The following GPM6B variants were observed in gnomAD, a reference collection of about 807,000 sequenced individuals.
GPM6B encodes the protein neuronal membrane glycoprotein M6-b.
In GPM6B, 4 loss-of-function variants were observed where a neutral mutation model predicts 27.2. That is an observed-to-expected ratio of 0.15 (90% CI 0.07 to 0.34). The LOEUF is 0.34. Ranked by LOEUF, GPM6B falls within the 10% of genes least tolerant of loss-of-function variation. The probability of loss-of-function intolerance (pLI) is 1.00; values close to 1 mark genes in which losing one functional copy is unlikely to be tolerated. For synonymous variants in GPM6B, 124 were observed against 103.1 expected, an observed-to-expected ratio of 1.20 and a Z score of -1.23; for missense variants, 183 against 261.9, an observed-to-expected ratio of 0.70 and a Z score of 2.08.
At chrX:13,931,179 C>G (rs766968586) in intron 1 of GPM6B, among the ~76,000 whole-genome samples, 1 of 88,979 alleles carries the variant, frequency 1.1e-5, no homozygotes, top group Non-Finnish European at 2.3e-5. Flanking sequence ...ACTAGACTGT[C>G]TCAAAAAAAC....
Position 13,913,862 on chromosome X carries a change from C to T in GPM6B, c.-198+24465G>A, listed in dbSNP as rs1048225483. Among the ~76,000 whole-genome samples, 3 of 111,492 alleles carry T rather than the reference C, an allele frequency of 2.7e-5. No individual in the cohort carries two copies. The East Asian group carries it at 8.5e-4, about 32-fold the overall frequency. On this transcript the variant is annotated intron_variant, in intron 1 of 6. Coordinates refer to the GPM6B transcript ENST00000398361. Reference sequence around the variant, plus strand: ...AACCTCCCAGGCTCAAGCAATCCTCCCATCTCAGCCTCCCGAGTAGCTGGG... The same window carrying T: ...AACCTCCCAGGCTCAAGCAATCCTCTCATCTCAGCCTCCCGAGTAGCTGGG...
At chrX:13,884,325 T>G (rs905082303) in intron 1 of GPM6B, among the ~76,000 whole-genome samples, 7 of 112,704 alleles carry the variant, frequency 6.2e-5, no homozygotes, top group Non-Finnish European at 3.7e-5. Context: ...GAATAGTTCA[T>G]ATTATATAAA....
At chrX:13,818,289 G>C (rs896540447), upstream of GPM6B, among the ~76,000 whole-genome samples, 1 of 112,050 alleles carries the variant, frequency 8.9e-6, no homozygotes, top group African/African-American at 3.2e-5. Flanking sequence ...TCTGCTAGTT[G>C]GTTGGGCTTA....
chrX:13,897,232 C>T lies in GPM6B; in HGVS notation c.-198+41095G>A, dbSNP rs776594942. On this transcript the variant is annotated intron_variant, in intron 1 of 6. Coordinates refer to the GPM6B transcript ENST00000398361. ...ACATTTTTAAACCACCTTAATTGAC[C>T]CAACACACTTTTTCTCCCTTCTGTG... Among the ~76,000 whole-genome samples, 10 of 111,761 alleles carry T rather than the reference C, an allele frequency of 8.9e-5. No homozygotes were observed. In the South Asian group the frequency reaches 3.4e-3, roughly 38 times the overall value.
intron 1 of GPM6B, among the ~76,000 whole-genome samples, chrX:13,848,891 A>C (rs768434894): frequency 6.2e-5 from 7 of 112,374 alleles, no homozygotes; most frequent in African/African-American, 1.9e-4. Flanking sequence ...ACAAAGTACT[A>C]ATACATGGTA....
At chrX:13,866,254 T>C (rs1287656868) in intron 1 of GPM6B, among the ~76,000 whole-genome samples, 1 of 111,972 alleles carries the variant, frequency 8.9e-6, no homozygotes, top group Non-Finnish European at 1.9e-5. Context: ...TCCCAGCTAC[T>C]AGGGAGGCTG....
chrX:13,825,059 A>C (rs2049356543), intron 1 of GPM6B, among the ~76,000 whole-genome samples: 1 of 111,569 alleles, frequency 9.0e-6, no homozygotes, highest in Non-Finnish European at 1.9e-5. Context: ...CTCTTCTTAT[A>C]AGGACACCAG....
intron 1 of GPM6B, among the ~76,000 whole-genome samples, chrX:13,842,528 C>T (rs1051332158): frequency 5.4e-5 from 6 of 111,130 alleles, no homozygotes; most frequent in African/African-American, 2.0e-4. Context: ...GAGGCACATC[C>T]CTCTGCCAGC....
intron 1 of GPM6B, among the ~76,000 whole-genome samples, chrX:13,928,829 G>C (rs1198380700): frequency 8.9e-6 from 1 of 111,940 alleles, no homozygotes; most frequent in Non-Finnish European, 1.9e-5. Context: ...TTTTTGCGCT[G>C]GAACTATTTT....
chrX:13,801,962 G>A (rs1172681649), intron 2 of GPM6B, among the ~76,000 whole-genome samples: 5 of 110,940 alleles, frequency 4.5e-5, no homozygotes, highest in African/African-American at 9.8e-5. Flanking sequence ...AGACGTGGAC[G>A]CACTCAGGGG....
chrX:13,903,578 G>A (rs1039919007), intron 1 of GPM6B, among the ~76,000 whole-genome samples: 1 of 111,743 alleles, frequency 8.9e-6, no homozygotes, highest in Non-Finnish European at 1.9e-5. Context: ...CTTCTCCAAT[G>A]CAGGGCCAGT....
intron 1 of GPM6B, among the ~76,000 whole-genome samples, chrX:13,833,762 A>G (rs1413016011): frequency 8.9e-6 from 1 of 111,897 alleles, no homozygotes; most frequent in East Asian, 2.8e-4. Context: ...CTGTGCTTTC[A>G]ATGTACAAAC....
intron 1 of GPM6B, among the ~76,000 whole-genome samples, chrX:13,919,218 C>T (rs2050455881): frequency 8.9e-6 from 1 of 111,921 alleles, no homozygotes; most frequent in East Asian, 2.8e-4. Flanking sequence ...GAACACACAC[C>T]TGCTTTCAAA....
chrX:13,818,742 A>C (rs1007507913), upstream of GPM6B, among the ~76,000 whole-genome samples: 3 of 112,622 alleles, frequency 2.7e-5, no homozygotes, highest in Admixed American at 2.8e-4. Context: ...TTCCATGGGA[A>C]AACCCTATGG....
At chrX:13,936,004 A>C (rs1921820150) in intron 1 of GPM6B, among the ~76,000 whole-genome samples, 1 of 112,335 alleles carries the variant, frequency 8.9e-6, no homozygotes, top group Admixed American at 9.4e-5. Context: ...ATAGAGACAG[A>C]AAGTAGGTTA....
intron 1 of GPM6B, among the ~76,000 whole-genome samples, chrX:13,822,510 C>T (rs934779541): frequency 1.8e-5 from 2 of 109,798 alleles, no homozygotes; most frequent in African/African-American, 6.6e-5. Context: ...GGACTACAGG[C>T]GTGGGGCCAC....
chrX:13,925,105 A>G (rs1921102955), intron 1 of GPM6B, among the ~76,000 whole-genome samples: 1 of 111,861 alleles, frequency 8.9e-6, no homozygotes, highest in Non-Finnish European at 1.9e-5. Context: ...GATGTAGCCC[A>G]TGATGCATCC....
chrX:13,853,073 C>G (rs1016137080), intron 1 of GPM6B, among the ~76,000 whole-genome samples: 1 of 111,170 alleles, frequency 9.0e-6, no homozygotes, highest in African/African-American at 3.3e-5. Context: ...AACATGTCCT[C>G]GACAAGGGTT....
chrX:13,801,486 G>C (rs1041296748), intron 2 of GPM6B, among the ~76,000 whole-genome samples: 1 of 112,425 alleles, frequency 8.9e-6, no homozygotes, highest in African/African-American at 3.2e-5. Flanking sequence ...TTCAAGGATT[G>C]GCAATTGTTT....
Sources: gnomAD v4.1 joint callset for allele counts (sites outside exome capture counted in the v4.1 genomes callset) on GRCh38, gnomAD v4.1.1 for gene constraint, MANE v1.5 for transcripts, NCBI Gene and HGNC (gene_info 2026-07-23, HGNC 2026-07-21) for gene names.